EEF1AKMT1: variants seen among roughly 807,000 people sequenced by gnomAD.
The protein encoded by EEF1AKMT1 is N-6 adenine-specific DNA methyltransferase 2 (putative).
A neutral mutation model predicts 21.0 loss-of-function variants in EEF1AKMT1; 18 were observed. The ratio of observed to expected loss-of-function variants is 0.86; its 90% confidence interval spans 0.59 to 1.27. EEF1AKMT1 has a LOEUF of 1.27. Ranked by LOEUF, EEF1AKMT1 falls within the 50% of genes most tolerant of loss-of-function variation. The probability of loss-of-function intolerance (pLI) is 0.00; values close to 1 mark genes in which losing one functional copy is unlikely to be tolerated. For synonymous variants in EEF1AKMT1, 109 were observed against 94.8 expected, an observed-to-expected ratio of 1.15 and a Z score of -0.87; for missense variants, 246 against 258.6, an observed-to-expected ratio of 0.95 and a Z score of 0.33.
At chr13:20,760,795 T>TG (rs1473357050) in intron 1 of EEF1AKMT1, among the ~76,000 whole-genome samples, 1 of 152,184 alleles carries the variant, frequency 6.6e-6, no homozygotes, top group Middle Eastern at 3.2e-3. Flanking sequence ...GAGAAGGTAG[T>TG]GATATTGGTA....
At position 20,741,019 on chromosome 13, in the gene EEF1AKMT1, T is replaced by C. The variant is rs187299765; in HGVS notation, c.145-3214A>G. ...ATCTTAGATTCTATTCTGTGTCTCT[T>C]TCTGGCTTTCCTACCCAAATTAGGG... On this transcript the variant is annotated intron_variant, in intron 2 of 4. Coordinates refer to ENST00000382758, the MANE Select transcript of EEF1AKMT1 (RefSeq NM_001318939.2). Among the ~76,000 whole-genome samples, 54 of 152,158 alleles carry C rather than the reference T, an allele frequency of 3.5e-4. No homozygotes were observed. In the East Asian group the frequency reaches 0.01, roughly 28 times the overall value.
intron 1 of EEF1AKMT1, among the ~76,000 whole-genome samples, chr13:20,758,182 AGCATCTATTCTCTCTGAAGCCT>A (rs544643325): frequency 1.4e-3 from 220 of 152,288 alleles, no homozygotes; most frequent in Middle Eastern, 6.8e-3. Context: ...GAGGCATTTT[AGCATCTATTCTCTCTGAAGCCT>A]GCTGCCTGCA....
At position 20,757,520 on chromosome 13, in the gene EEF1AKMT1, G is replaced by T. The variant is rs1010006674; in HGVS notation, c.79C>A (p.Gln27Lys). 4.3e-6 allele frequency: 7 copies of T among 1,613,862 alleles called. No homozygotes were observed. Among genetic ancestry groups the T allele is most frequent in the African/African-American group, 2.7e-5 (2 of 74,852 alleles). ...LAALQEFYAE[Q>K]KQQIEPGEDD... is the part of the protein sequence containing the mutation. ...TCGCCTGGCTCAATTTGTTGCTTTT[G>T]CTCAGCATAAAATTCCTGGAGAGCT... is the stretch of plus-strand genomic sequence containing the variant. The change falls in exon 2 of 5, where the codon CAA (glutamine) becomes AAA (lysine). Residue 27 changes from glutamine to lysine, a missense_variant. Physicochemically the swap from Gln to Lys is moderately conservative, Grantham distance 53. Coordinates refer to ENST00000382758, the MANE Select transcript of EEF1AKMT1 (RefSeq NM_001318939.2).
rs556127469 is a variant in EEF1AKMT1 at position 20,755,099 on chromosome 13, A to G, written c.144+2356T>C. ...GGAAGTGCACACTTTGGCTCTAGTC[A>G]TGGCTATAAGCAGGGTAGCTTTTCC... On this transcript the variant is annotated intron_variant, in intron 2 of 4. Coordinates refer to ENST00000382758, the MANE Select transcript of EEF1AKMT1 (RefSeq NM_001318939.2). 2.9e-3 allele frequency among the ~76,000 whole-genome samples: 421 copies of G among 146,280 alleles called. 2 individuals carry two copies. The highest frequency in any genetic ancestry group is 0.01 in the African/African-American group (404 of 39,832).
At chr13:20,753,253 C>A (rs950710337) in intron 2 of EEF1AKMT1, among the ~76,000 whole-genome samples, 1 of 152,064 alleles carries the variant, frequency 6.6e-6, no homozygotes, top group Admixed American at 6.5e-5. Context: ...CAAAGTTTCT[C>A]CTGTTATTGA....
chr13:20,758,685 T>G (rs2058983645), intron 1 of EEF1AKMT1, among the ~76,000 whole-genome samples: 1 of 151,958 alleles, frequency 6.6e-6, no homozygotes, highest in East Asian at 1.9e-4. Flanking sequence ...AAAATTCATA[T>G]GGAACTAAAA....
chr13:20,741,970 G>A (rs1033725621), intron 2 of EEF1AKMT1, among the ~76,000 whole-genome samples: 1 of 152,140 alleles, frequency 6.6e-6, no homozygotes, highest in Non-Finnish European at 1.5e-5. Flanking sequence ...CCCTTCCAGA[G>A]TTTATTTCCC....
Position 20,773,939 on chromosome 13 carries a change from C to T in EEF1AKMT1, c.-38G>A, listed in dbSNP as rs183538680. 643 of 152,554 alleles carry T rather than the reference C, an allele frequency of 4.2e-3. 2 individuals are homozygous for T. The highest frequency in any genetic ancestry group is 0.015 in the African/African-American group (614 of 41,594). 9.5% of individuals were successfully genotyped at this position (152,554 alleles called of 1,614,324 possible). A position where few individuals can be genotyped will look rare whatever the true frequency, so the allele number is the denominator to read the frequency against. On this transcript the variant is annotated 5_prime_UTR_variant, in exon 1 of 5. Transcript: ENST00000382758. ...CACTCACCAGCCGCGCGTGCGCAGTCGCCCAGACTCGCCGTGTGCAGTGGG... is the reference window on the plus strand; with the variant it reads ...CACTCACCAGCCGCGCGTGCGCAGTTGCCCAGACTCGCCGTGTGCAGTGGG...
intron 2 of EEF1AKMT1, among the ~76,000 whole-genome samples, chr13:20,754,946 T>A (rs2058964110): frequency 1.3e-5 from 2 of 151,840 alleles, no homozygotes; most frequent in African/African-American, 4.8e-5. Context: ...CTTTACGTCA[T>A]GTAGGGGAAG....
chr13:20,741,556 A>C (rs2058871651), intron 2 of EEF1AKMT1, among the ~76,000 whole-genome samples: 1 of 149,466 alleles, frequency 6.7e-6, no homozygotes. Flanking sequence ...TCCCGGATTC[A>C]AGCAGTTCTC....
intron 2 of EEF1AKMT1, among the ~76,000 whole-genome samples, chr13:20,753,093 T>C (rs550391994): frequency 6.6e-6 from 1 of 152,274 alleles, no homozygotes; most frequent in East Asian, 1.9e-4. Context: ...ACTTCACTCT[T>C]AGCACTGTTT....
chr13:20,729,405 T>A (rs1352167660), intron 4 of EEF1AKMT1, among the ~76,000 whole-genome samples, 189 bp from the exon 5 acceptor site: 1 of 152,068 alleles, frequency 6.6e-6, no homozygotes, highest in Non-Finnish European at 1.5e-5. Flanking sequence ...ATTTACCAAC[T>A]TTTTTCCATG....
intron 3 of EEF1AKMT1, among the ~76,000 whole-genome samples, chr13:20,732,990 C>T (rs749406127): frequency 9.9e-5 from 15 of 152,056 alleles, no homozygotes; most frequent in Non-Finnish European, 1.5e-4. Context: ...ATTACAGCAG[C>T]CCAGTTTATG....
At chr13:20,744,034 T>C (rs1289869605) in intron 2 of EEF1AKMT1, among the ~76,000 whole-genome samples, 1 of 152,220 alleles carries the variant, frequency 6.6e-6, no homozygotes, top group Non-Finnish European at 1.5e-5. Flanking sequence ...CTCATCCTTT[T>C]TTATGGCTGC....
chr13:20,730,187 A>C (rs1341257604), intron 4 of EEF1AKMT1, among the ~76,000 whole-genome samples: 1 of 152,212 alleles, frequency 6.6e-6, no homozygotes, highest in Non-Finnish European at 1.5e-5. Context: ...TAAAATGCAC[A>C]CTCCATGAGG....
At chr13:20,729,261 C>A (rs954900998) in intron 4 of EEF1AKMT1, 45 bp from the exon 5 acceptor site, 14 of 1,611,746 alleles carry the variant, frequency 8.7e-6, no homozygotes, top group South Asian at 7.7e-5. Context: ...ACAACCCAGC[C>A]GGAGCTCAGT....
chr13:20,741,689 T>A (rs1456022416), intron 2 of EEF1AKMT1, among the ~76,000 whole-genome samples: 2 of 152,028 alleles, frequency 1.3e-5, no homozygotes, highest in Non-Finnish European at 2.9e-5. Flanking sequence ...TCTCTTGACT[T>A]CGTGATCTGC....
rs2058979887 is a variant in EEF1AKMT1 at position 20,757,966 on chromosome 13, A to G, written c.-19-349T>C. 4.6e-5 allele frequency among the ~76,000 whole-genome samples: 7 copies of G among 152,346 alleles called. No homozygotes were observed. In the South Asian group the frequency reaches 1.2e-3, roughly 27 times the overall value. On this transcript the variant is annotated intron_variant, in intron 1 of 4. Transcript: ENST00000382758. ...TATCAAATTCCAATCTGACTCTAGT[A>G]TAGTACACACAACAGGTAACAGGCC...
chr13:20,764,120 CT>C (rs1420562663), intron 1 of EEF1AKMT1, among the ~76,000 whole-genome samples: 1 of 152,160 alleles, frequency 6.6e-6, no homozygotes, highest in Non-Finnish European at 1.5e-5. Flanking sequence ...CTTCCTTCTA[CT>C]TGCTTTGCAT....
Sources: gnomAD v4.1 joint callset for allele counts (sites outside exome capture counted in the v4.1 genomes callset) on GRCh38, gnomAD v4.1.1 for gene constraint, MANE v1.5 for transcripts, NCBI Gene and HGNC (gene_info 2026-07-23, HGNC 2026-07-21) for gene names.